The following P2RY14 variants were observed in gnomAD, a reference collection of about 807,000 sequenced individuals.
The protein encoded by P2RY14 is P2Y purinoceptor 14.
A neutral mutation model predicts 0.9 loss-of-function variants in P2RY14; 2 were observed. The ratio of observed to expected loss-of-function variants is 2.16; its 90% CI spans 0.88 to 6.79. The LOEUF is 6.79. Among genes scored for constraint, P2RY14 ranks in the 30% most tolerant of loss-of-function variants. The probability of loss-of-function intolerance (pLI) is 0.05; values close to 1 mark genes in which losing one functional copy is unlikely to be tolerated. For missense variants in P2RY14, 378 were observed against 400.1 expected (o/e 0.94, Z 0.47); for synonymous variants, 158 against 147.2 (o/e 1.07, Z -0.53).
At chr3:151,232,841 T>C (rs1219191343) in intron 1 of P2RY14, among the ~76,000 whole-genome samples, 1 of 152,102 alleles carries the variant, frequency 6.6e-6, no homozygotes, top group African/African-American at 2.4e-5. Context: ...GTACTAGACT[T>C]AGTACCTGAC....
chr3:151,238,596 C>T (rs989892295), intron 1 of P2RY14, among the ~76,000 whole-genome samples: 1 of 152,172 alleles, frequency 6.6e-6, no homozygotes, highest in Admixed American at 6.5e-5. Context: ...GGTGCAAAAG[C>T]CATGATGTGT....
In P2RY14 at chr3:151,213,660, C is replaced by G. The variant is rs1229816745; in HGVS notation, c.657G>C (p.Lys219Asn). 1.9e-6 allele frequency: 3 copies of G among 1,614,162 alleles called. No individual in the cohort carries two copies. Among genetic ancestry groups the G allele is most frequent in the Non-Finnish European group, 2.5e-6 (3 of 1,180,016 alleles). The change falls in exon 3 of 3, where the codon AAG becomes AAC. Residue 219 changes from lysine to asparagine, a missense_variant. Coordinates refer to ENST00000309170, the MANE Select transcript of P2RY14 (RefSeq NM_014879.4). Reference protein sequence around the residue: ...ITKKIFKSHLKSSRNSTSVKK... With the variant: ...ITKKIFKSHLNSSRNSTSVKK... ...TGACCGAAGTGGAATTCCGACTTGACTTAAGGTGGGACTTAAAGATTTTCT... is the reference window on the plus strand; with the variant it reads ...TGACCGAAGTGGAATTCCGACTTGAGTTAAGGTGGGACTTAAAGATTTTCT...
intron 1 of P2RY14, among the ~76,000 whole-genome samples, chr3:151,251,493 C>T (rs1010129250): frequency 1.3e-5 from 2 of 152,090 alleles, no homozygotes; most frequent in Admixed American, 6.6e-5. Context: ...AGGGTGTGTC[C>T]TCCACTCACC....
intron 1 of P2RY14, among the ~76,000 whole-genome samples, chr3:151,241,441 A>G (rs1391038644): frequency 6.6e-6 from 1 of 152,150 alleles, no homozygotes; most frequent in African/African-American, 2.4e-5. Context: ...GTTGATCCCT[A>G]GCGACTTATT....
rs1727621476 is a variant in P2RY14, at chr3:151,213,798, T to C, written c.519A>G (p.Ile173Met). The change falls in exon 3 of 3, where the codon ATA becomes ATG. Residue 173 changes from isoleucine to methionine, a missense_variant. By Grantham distance (10) the Ile-to-Met change is conservative (BLOSUM62 1). Coordinates refer to ENST00000309170, the MANE Select transcript of P2RY14 (RefSeq NM_014879.4). The stretch of plus-strand genomic sequence containing the variant: ...TCCGTCCCAGTTCACTTTTCAGTTC[T>C]ATACATTTTATTTGTGTAACCTCCC... ...SVREVTQIKC[I>M]ELKSELGRKW... is the part of the protein sequence containing the mutation. 1 of 1,614,094 alleles carries C rather than the reference T, an allele frequency of 6.2e-7. No homozygotes were observed. Among genetic ancestry groups the C allele is most frequent in the African/African-American group, 1.3e-5 (1 of 74,928 alleles).
chr3:151,256,299 C>A (rs1392856581), intron 1 of P2RY14, among the ~76,000 whole-genome samples: 1 of 152,148 alleles, frequency 6.6e-6, no homozygotes, highest in Non-Finnish European at 1.5e-5. Flanking sequence ...GGATGGGGCA[C>A]ACATGATGGA....
chr3:151,276,610 A>G (rs556093756), intron 1 of P2RY14, among the ~76,000 whole-genome samples: 6 of 152,346 alleles, frequency 3.9e-5, no homozygotes, highest in African/African-American at 1.4e-4. Flanking sequence ...TTCTGAGTTC[A>G]TAGAGCCTTA....
At chr3:151,231,256 G>A (rs1164692395) in intron 1 of P2RY14, among the ~76,000 whole-genome samples, 1 of 152,346 alleles carries the variant, frequency 6.6e-6, no homozygotes, top group Non-Finnish European at 1.5e-5. Flanking sequence ...TGCAACCTCA[G>A]TGTGATAACT....
At chr3:151,230,253 C>T (rs573145275) in intron 1 of P2RY14, among the ~76,000 whole-genome samples, 1 of 152,218 alleles carries the variant, frequency 6.6e-6, no homozygotes, top group Non-Finnish European at 1.5e-5. Flanking sequence ...GGATTACAGG[C>T]GTGAGCCACC....
chr3:151,251,348 C>G (rs926654487), intron 1 of P2RY14, among the ~76,000 whole-genome samples: 1 of 152,122 alleles, frequency 6.6e-6, no homozygotes, highest in African/African-American at 2.4e-5. Flanking sequence ...TCTGTCTCAT[C>G]CATTCCTAGC....
At chr3:151,269,491 A>G (rs1207856363) in intron 1 of P2RY14, 7 of 291,764 alleles carry the variant, frequency 2.4e-5, no homozygotes, top group Non-Finnish European at 4.0e-5. Context: ...TGAAAGCAGA[A>G]CAGAAGTATA....
At chr3:151,230,508 T>C (rs945929274) in intron 1 of P2RY14, among the ~76,000 whole-genome samples, 1 of 152,134 alleles carries the variant, frequency 6.6e-6, no homozygotes, top group Non-Finnish European at 1.5e-5. Context: ...CACTACACTT[T>C]GATGCTCATT....
intron 1 of P2RY14, among the ~76,000 whole-genome samples, chr3:151,239,779 TTTGC>T (rs1472148435): frequency 5.3e-5 from 8 of 152,298 alleles, no homozygotes; most frequent in African/African-American, 1.9e-4. Flanking sequence ...TGGTTGTTAG[TTTGC>T]TTGTTTTAGC....
At chr3:151,218,781 T>A (rs1577005651) in intron 2 of P2RY14, among the ~76,000 whole-genome samples, 1 of 145,458 alleles carries the variant, frequency 6.9e-6, no homozygotes, top group East Asian at 2.1e-4. Flanking sequence ...GCAGGAGAAT[T>A]GCTTGAACCT....
intron 1 of P2RY14, among the ~76,000 whole-genome samples, chr3:151,231,684 G>T (rs1041333557): frequency 1.3e-5 from 2 of 152,194 alleles, no homozygotes; most frequent in African/African-American, 4.8e-5. Flanking sequence ...TTAATGAGTG[G>T]TGATTGTTGG....
At chr3:151,265,872 G>A (rs1455628516) in intron 1 of P2RY14, among the ~76,000 whole-genome samples, 3 of 152,146 alleles carry the variant, frequency 2.0e-5, no homozygotes, top group Non-Finnish European at 4.4e-5. Flanking sequence ...TCCTTTTCAG[G>A]GAATCATGGA....
intron 1 of P2RY14, among the ~76,000 whole-genome samples, chr3:151,254,814 G>T (rs1335976552): frequency 6.6e-6 from 1 of 152,104 alleles, no homozygotes; most frequent in Non-Finnish European, 1.5e-5. Flanking sequence ...CCAGTTTTAG[G>T]CCTTTTGCTT....
chr3:151,242,132 G>C (rs1243261169), intron 1 of P2RY14, among the ~76,000 whole-genome samples: 1 of 152,184 alleles, frequency 6.6e-6, no homozygotes, highest in Non-Finnish European at 1.5e-5. Context: ...TACGCCCATG[G>C]AGTCTCGCTG....
Position 151,242,055 on chromosome 3 carries a change from G to A in P2RY14, c.-132-22413C>T, listed in dbSNP as rs371590878. ...CGGGTCACTCCCACCCGAATACTGC[G>A]CTTTTCCGACGGGCTTAAAAAACGG... On this transcript the variant is annotated intron_variant, in intron 1 of 2. Coordinates refer to ENST00000309170, the MANE Select transcript of P2RY14 (RefSeq NM_014879.4). Among the ~76,000 whole-genome samples, 1,422 of 152,282 alleles carry A rather than the reference G, an allele frequency of 9.3e-3. 21 individuals carry two copies. The highest frequency in any genetic ancestry group is 0.032 in the African/African-American group (1,318 of 41,546).
Sources: gnomAD v4.1 joint callset for allele counts (sites outside exome capture counted in the v4.1 genomes callset) on GRCh38, gnomAD v4.1.1 for gene constraint, MANE v1.5 for transcripts, NCBI Gene and HGNC (gene_info 2026-07-23, HGNC 2026-07-21) for gene names.